The following LINGO2 variants were observed in gnomAD, a reference collection of about 807,000 sequenced individuals.
LINGO2 encodes the protein leucine rich repeat and Ig domain containing 2.
In LINGO2, 14 loss-of-function variants were observed where a neutral mutation model predicts 30.6. The ratio of observed to expected loss-of-function variants is 0.46; its 90% CI spans 0.30 to 0.72. The LOEUF is 0.72. LINGO2 is among the 30% of genes least tolerant of loss of function. The probability of loss-of-function intolerance (pLI) is 0.07; values close to 1 mark genes in which losing one functional copy is unlikely to be tolerated. For synonymous variants in LINGO2, 317 were observed against 288.5 expected, an observed-to-expected ratio of 1.10 and a Z score of -1.00; for missense variants, 729 against 751.7, an observed-to-expected ratio of 0.97 and a Z score of 0.35.
chr9:28,729,860 C>T, the LINGO2 span, among the ~76,000 whole-genome samples: 1 of 151,628 alleles, frequency 6.6e-6, no homozygotes, highest in East Asian at 1.9e-4. Context: ...GTCCAAAAAG[C>T]ATGAAAATAA....
intron 1 of LINGO2, among the ~76,000 whole-genome samples, chr9:28,516,790 T>C (rs754457782): frequency 6.6e-6 from 1 of 152,208 alleles, no homozygotes; most frequent in Non-Finnish European, 1.5e-5. Context: ...AATATCTTCT[T>C]AGCTAAATCT....
chr9:28,827,554 T>C, the LINGO2 span, among the ~76,000 whole-genome samples: 8 of 152,170 alleles, frequency 5.3e-5, no homozygotes, highest in African/African-American at 1.9e-4. Context: ...GTACTTAGAA[T>C]AGTACTTGAC....
At chr9:28,421,516 A>G (rs1823197284) in intron 2 of LINGO2, among the ~76,000 whole-genome samples, 1 of 151,664 alleles carries the variant, frequency 6.6e-6, no homozygotes, top group Non-Finnish European at 1.5e-5. Flanking sequence ...GAGGTCTCAC[A>G]CTTTCTGATT....
At chr9:29,150,337 G>A in the LINGO2 span, among the ~76,000 whole-genome samples, 1 of 152,164 alleles carries the variant, frequency 6.6e-6, no homozygotes, top group African/African-American at 2.4e-5. Context: ...AAGAATCAGT[G>A]CAAGAACTCT....
intron 3 of LINGO2, among the ~76,000 whole-genome samples, chr9:28,346,952 C>A (rs1819602643): frequency 6.8e-6 from 1 of 146,306 alleles, no homozygotes; most frequent in African/African-American, 2.8e-5. Flanking sequence ...ACATAGTTTG[C>A]AAATATTTTC....
intron 4 of LINGO2, among the ~76,000 whole-genome samples, chr9:28,096,331 C>T (rs975509738): frequency 1.1e-4 from 16 of 152,148 alleles, no homozygotes; most frequent in Admixed American, 8.5e-4. Context: ...CACATTTACA[C>T]TACATATGTA....
At chr9:27,948,847 G>A (rs1469571164) in exon 6 of LINGO2, 1 of 1,601,976 alleles carries the variant, frequency 6.2e-7, no homozygotes, top group East Asian at 2.2e-5. Flanking sequence ...TGAGGGGTGG[G>A]CCTTCAAATC....
At chr9:27,938,706 T>C in the LINGO2 span, 1 of 152,118 alleles carries the variant, frequency 6.6e-6, no homozygotes, top group Non-Finnish European at 1.5e-5. Context: ...TTGCAATCAA[T>C]ATGGAAGCCA....
the LINGO2 span, among the ~76,000 whole-genome samples, chr9:28,990,602 C>G: frequency 6.6e-6 from 1 of 152,156 alleles, no homozygotes; most frequent in African/African-American, 2.4e-5. Flanking sequence ...CTGGGAGGCA[C>G]CACCCAGTAG....
chr9:28,111,293 C>A (rs1826779681), intron 4 of LINGO2, among the ~76,000 whole-genome samples: 1 of 151,132 alleles, frequency 6.6e-6, no homozygotes, highest in Non-Finnish European at 1.5e-5. Context: ...ACATGTGGGG[C>A]CTAAACTCTA....
In LINGO2 at chr9:28,609,327, T is replaced by C. The variant is rs961769054; in HGVS notation, c.-365+60873A>G. ...GTGGGTGAAAACACACTTCAAACAA[T>C]GTTCTAACATATGTGATAGCTGGAG... On this transcript the variant is annotated intron_variant, in intron 1 of 5. Coordinates refer to ENST00000379992, the Ensembl canonical transcript of LINGO2. Among the ~76,000 whole-genome samples, 4 of 151,888 alleles carry C rather than the reference T, an allele frequency of 2.6e-5. No homozygotes were observed. The South Asian group carries it at 8.3e-4, about 31-fold the overall frequency.
intron 1 of LINGO2, among the ~76,000 whole-genome samples, chr9:28,503,939 G>C (rs1819996743): frequency 6.6e-6 from 1 of 151,876 alleles, no homozygotes; most frequent in South Asian, 2.1e-4. Flanking sequence ...AAGAAAACAT[G>C]ATTGAGTATG....
intron 4 of LINGO2, among the ~76,000 whole-genome samples, chr9:28,284,253 G>T (rs1040941520): frequency 6.6e-6 from 1 of 152,116 alleles, no homozygotes; most frequent in African/African-American, 2.4e-5. Context: ...TGCCGACTTT[G>T]CTGATGTTGG....
chr9:28,039,012 G>T (rs796468749), intron 4 of LINGO2, among the ~76,000 whole-genome samples: 1 of 152,186 alleles, frequency 6.6e-6, no homozygotes, highest in Non-Finnish European at 1.5e-5. Flanking sequence ...AAATCTTAAA[G>T]GAGTTTGGCA....
chr9:28,039,110 G>A (rs1176596264), intron 4 of LINGO2, among the ~76,000 whole-genome samples: 1 of 152,148 alleles, frequency 6.6e-6, no homozygotes, highest in East Asian at 1.9e-4. Context: ...AAGGGGAAGA[G>A]GACGGACCTC....
At chr9:29,025,441 G>A in the LINGO2 span, among the ~76,000 whole-genome samples, 1 of 151,952 alleles carries the variant, frequency 6.6e-6, no homozygotes, top group Non-Finnish European at 1.5e-5. Flanking sequence ...AGGTTCCCAA[G>A]TTACATCTAT....
chr9:28,970,258 G>A, the LINGO2 span, among the ~76,000 whole-genome samples: 4 of 152,170 alleles, frequency 2.6e-5, no homozygotes, highest in African/African-American at 9.7e-5. Context: ...GAAACCAAGT[G>A]AAGAAACTGC....
intron 1 of LINGO2, among the ~76,000 whole-genome samples, chr9:28,572,374 T>A (rs972605353): frequency 6.6e-6 from 1 of 152,088 alleles, no homozygotes; most frequent in Non-Finnish European, 1.5e-5. Flanking sequence ...TTTATTCTGC[T>A]TAGATACGAC....
intron 4 of LINGO2, among the ~76,000 whole-genome samples, chr9:28,202,727 G>A (rs1285320633): frequency 6.6e-6 from 1 of 152,138 alleles, no homozygotes; most frequent in Non-Finnish European, 1.5e-5. Flanking sequence ...TTTCACAAAT[G>A]TAAAATGGGA....
Sources: gnomAD v4.1 joint callset for allele counts (sites outside exome capture counted in the v4.1 genomes callset) on GRCh38, gnomAD v4.1.1 for gene constraint, MANE v1.5 for transcripts, NCBI Gene and HGNC (gene_info 2026-07-23, HGNC 2026-07-21) for gene names.